HLA-DPA1: variants seen among roughly 807,000 people sequenced by gnomAD.
HLA-DPA1 encodes the protein major histocompatibility complex, class II, DP alpha 1.
HLA-DPA1 carries 20 observed loss-of-function variants against 21.5 expected under a neutral mutation model. The observed-to-expected ratio is 0.93, with a 90% CI of 0.66 to 1.35. The LOEUF is 1.35. Among genes scored for constraint, HLA-DPA1 ranks in the 40% most tolerant of loss-of-function variants. The pLI is 0.00. For missense variants in HLA-DPA1, 279 were observed against 323.0 expected (o/e 0.86, Z 1.05); for synonymous variants, 123 against 129.6 (o/e 0.95, Z 0.35).
At chr6:33,079,453 G>T in intron 1 of HLA-DPA1, 1 of 245,216 alleles carries the variant, frequency 4.1e-6, no homozygotes, top group Non-Finnish European at 8.3e-6. Flanking sequence ...TCCACATCAT[G>T]GCCTCCCTCA....
At chr6:33,073,495 G>A in exon 2 of HLA-DPA1, 1 of 1,612,544 alleles carries the variant, frequency 6.2e-7, no homozygotes, top group Non-Finnish European at 8.5e-7. Context: ...GCTCCTCGGA[G>A]ACTCAGCAGG....
chr6:33,076,733 C>T (rs528697582), intron 1 of HLA-DPA1, among the ~76,000 whole-genome samples: 2 of 152,168 alleles, frequency 1.3e-5, no homozygotes, highest in Non-Finnish European at 2.9e-5. Context: ...GAGTGGGTTG[C>T]GACTTGTAGG....
chr6:33,070,242 T>C (rs915669772), intron 2 of HLA-DPA1, among the ~76,000 whole-genome samples: 8 of 134,642 alleles, frequency 5.9e-5, no homozygotes, highest in African/African-American at 2.6e-4. Context: ...CTAAATACTT[T>C]ACATATTTCA....
chr6:33,073,881 T>C (rs1762412648), intron 1 of HLA-DPA1: 2 of 296,418 alleles, frequency 6.7e-6, no homozygotes, highest in African/African-American at 4.3e-5. Context: ...AGTTACACCT[T>C]CTTCTGACGG....
At chr6:33,079,620 A>G in intron 1 of HLA-DPA1, 1 of 460,634 alleles carries the variant, frequency 2.2e-6, no homozygotes, top group Non-Finnish European at 4.2e-6. Flanking sequence ...TTGATGCCCA[A>G]CATTGCTTAT....
intron 3 of HLA-DPA1, 165 bp downstream of exon 2, chr6:33,069,473 TGAG>T: frequency 9.5e-7 from 1 of 1,057,752 alleles, no homozygotes; most frequent in Non-Finnish European, 1.4e-6. Context: ...TTCTCTCTCC[TGAG>T]AAGAGAGGAT....
chr6:33,073,415 G>A (rs775749378), intron 2 of HLA-DPA1, 56 bp downstream of exon 1: 11 of 847,278 alleles, frequency 1.3e-5, no homozygotes, highest in Non-Finnish European at 2.0e-5. Flanking sequence ...AGCAGCAATT[G>A]ATGTGAACCA....
chr6:33,080,339 C>T lies in HLA-DPA1; in HGVS notation c.-100+341G>A. ...CCAGCTCCTCCCGCCCCTGTTTTTT[C>T]TCCCAGTGACCCCACGTGAAACGTC... On this transcript the variant is annotated intron_variant, in intron 1 of 5. Coordinates refer to ENST00000419277, the Ensembl canonical transcript of HLA-DPA1. The surrounding 1 kb of genome is among the most constrained non-coding windows in gnomAD (Gnocchi z 4.3). 2 of 507,114 alleles carry T rather than the reference C, an allele frequency of 3.9e-6. No individual in the cohort carries two copies. Among genetic ancestry groups the T allele is most frequent in the Admixed American group, 2.6e-5 (1 of 38,456 alleles). The allele number at this position is 507,114 out of a possible 1,614,324, so 31.4% of individuals were successfully genotyped here.
exon 3 of HLA-DPA1, chr6:33,069,670 T>G (rs1481039587): frequency 1.9e-6 from 3 of 1,612,540 alleles, no homozygotes; most frequent in Non-Finnish European, 2.5e-6. Flanking sequence ...GTTGGAACGC[T>G]GGATCAAGGT....
chr6:33,073,423 CCACCCCATCACT>C (rs1348982984), intron 2 of HLA-DPA1, 36 bp downstream of exon 1: 4 of 931,394 alleles, frequency 4.3e-6, no homozygotes, highest in African/African-American at 3.1e-5. Flanking sequence ...TTGATGTGAA[CCACCCCATCACT>C]CACCCCGACG....
intron 2 of HLA-DPA1, 27 bp from the exon 2 acceptor site, chr6:33,069,913 C>T (rs66799959): frequency 0.2 from 308,163 of 1,554,010 alleles, 42,173 homozygotes; most frequent in East Asian, 0.62. Context: ...GAGAAAAACA[C>T]GACAAAATGT....
At chr6:33,074,122 C>A (rs995829818) in intron 1 of HLA-DPA1, among the ~76,000 whole-genome samples, 1 of 152,136 alleles carries the variant, frequency 6.6e-6, no homozygotes. Flanking sequence ...TTTATTTAAT[C>A]ATTTCTGCAG....
At chr6:33,067,890 AT>A (rs527598355) in intron 5 of HLA-DPA1, 44,004 of 152,148 alleles carry the variant, frequency 0.29, 8,431 homozygotes, top group East Asian at 0.69. Flanking sequence ...ACCAATGATG[AT>A]CATATAATGA....
intron 2 of HLA-DPA1, among the ~76,000 whole-genome samples, chr6:33,073,130 CTT>C (rs1440166668): frequency 6.6e-6 from 1 of 152,234 alleles, no homozygotes; most frequent in African/African-American, 2.4e-5. Flanking sequence ...GGACTTCAAA[CTT>C]GGCTCGTTGA....
chr6:33,078,746 A>G (rs558336509), intron 1 of HLA-DPA1, among the ~76,000 whole-genome samples: 1 of 152,232 alleles, frequency 6.6e-6, no homozygotes, highest in Admixed American at 6.5e-5. Context: ...GACTGGGTAA[A>G]TTAAAAAAAT....
intron 1 of HLA-DPA1, chr6:33,076,248 C>A: frequency 1.4e-6 from 1 of 731,202 alleles, no homozygotes; most frequent in Non-Finnish European, 2.3e-6. Context: ...GGGCTCCTGC[C>A]CTAAGGCAGT....
At chr6:33,073,957 T>C (rs2856830) in intron 1 of HLA-DPA1, among the ~76,000 whole-genome samples, 18,324 of 152,258 alleles carry the variant, frequency 0.12, 1,212 homozygotes, top group Middle Eastern at 0.21. Flanking sequence ...AGATGATCTT[T>C]GATGTTTTTT....
In HLA-DPA1 at chr6:33,080,613, G is replaced by A. The variant is rs1762786990; in HGVS notation, c.-100+67C>T. 8.1e-6 allele frequency: 13 copies of A among 1,605,072 alleles called. No homozygotes were observed. The South Asian group carries it at 1.2e-4, about 15-fold the overall frequency. ...AGAATCGTTAATATTGAGAGAGAGA[G>A]GGAGAAAGAGGATTAGATGAGAGTG... On this transcript the variant is annotated intron_variant, in intron 1 of 5. Transcript: ENST00000419277. The surrounding 1 kb of genome is among the most constrained non-coding windows in gnomAD (Gnocchi z 4.3).
chr6:33,077,824 A>AGGGT (rs1274731926), intron 1 of HLA-DPA1, among the ~76,000 whole-genome samples: 2 of 152,158 alleles, frequency 1.3e-5, no homozygotes, highest in Non-Finnish European at 2.9e-5. Context: ...TCAGGGTAGC[A>AGGGT]AGGTTGGAAT....
Sources: gnomAD v4.1 joint callset for allele counts (sites outside exome capture counted in the v4.1 genomes callset) on GRCh38, gnomAD v4.1.1 for gene constraint, Gnocchi (gnomAD v3.1) non-coding constraint, MANE v1.5 for transcripts, NCBI Gene and HGNC (gene_info 2026-07-23, HGNC 2026-07-21) for gene names.